CLASP2: variants seen among roughly 807,000 people sequenced by gnomAD.
The protein encoded by CLASP2 is CLIP-associating protein 2.
A neutral mutation model predicts 194.4 loss-of-function variants in CLASP2; 47 were observed. That is an observed-to-expected ratio of 0.24 (90% CI 0.19 to 0.31). The LOEUF (loss-of-function observed/expected upper bound fraction) is 0.31. Ranked by LOEUF, CLASP2 falls within the 10% of genes least tolerant of loss-of-function variation. The pLI, the probability that CLASP2 is intolerant of heterozygous loss-of-function variation, is 1.00. For synonymous variants in CLASP2, 619 were observed against 633.5 expected (o/e 0.98, Z 0.34); for missense variants, 1,445 against 1,823.6 (o/e 0.79, Z 3.78).
At position 33,510,608 on chromosome 3, in the gene CLASP2, T is replaced by C. The variant is rs374687770; in HGVS notation, c.4267A>G (p.Lys1423Glu). ...MQTKVIERVS[K>E]ETLNLLLPEI... is the part of the protein sequence containing the mutation. ...GGCAAAAGCAGGTTTAGGGTTTCCT[T>C]GGACACTCTCTCTATCACTTTTGTT... Residue 1423 changes from lysine (K) to glutamate (E), a missense_variant, in exon 37 of 39, where the codon AAG becomes GAG. By Grantham distance (56) the Lys-to-Glu change is moderately conservative. Transcript: ENST00000682230. 3.1e-6 allele frequency: 5 copies of C among 1,613,868 alleles called. No homozygotes were observed. In the African/African-American group the frequency reaches 6.7e-5, roughly 22 times the overall value.
chr3:33,514,534 T>C, intron 36 of CLASP2: 1 of 166,806 alleles, frequency 6.0e-6, no homozygotes, highest in Non-Finnish European at 1.4e-5. Context: ...TTAACCTTCC[T>C]TTTTTGATTT....
intron 30 of CLASP2, among the ~76,000 whole-genome samples, chr3:33,549,976 A>G (rs2059740133): frequency 6.6e-6 from 1 of 152,114 alleles, no homozygotes; most frequent in Admixed American, 6.5e-5. Flanking sequence ...AGCTCAGACA[A>G]TCTGCCTGCC....
At chr3:33,703,323 A>C (rs1361521101) in intron 1 of CLASP2, among the ~76,000 whole-genome samples, 1 of 152,258 alleles carries the variant, frequency 6.6e-6, no homozygotes, top group Non-Finnish European at 1.5e-5. Flanking sequence ...AAAAGATGTA[A>C]GATATATAAA....
intron 23 of CLASP2, among the ~76,000 whole-genome samples, chr3:33,580,175 C>T (rs1270204532): frequency 6.6e-6 from 1 of 152,170 alleles, no homozygotes; most frequent in African/African-American, 2.4e-5. Flanking sequence ...TGGGCATATT[C>T]CTGTGATTCT....
At chr3:33,557,436 G>A (rs1480511614) in intron 29 of CLASP2, among the ~76,000 whole-genome samples, 3 of 152,056 alleles carry the variant, frequency 2.0e-5, no homozygotes, top group African/African-American at 7.2e-5. Context: ...GTGCAGTGGT[G>A]TGATTAGAGC....
intron 22 of CLASP2, among the ~76,000 whole-genome samples, chr3:33,582,569 G>C (rs2066394423): frequency 6.6e-6 from 1 of 152,126 alleles, no homozygotes; most frequent in Non-Finnish European, 1.5e-5. Context: ...TGAGGCAGGA[G>C]GATTGCTTGA....
At chr3:33,553,945 G>A (rs73053684) in intron 29 of CLASP2, among the ~76,000 whole-genome samples, 4 of 152,228 alleles carry the variant, frequency 2.6e-5, no homozygotes, top group Non-Finnish European at 4.4e-5. Flanking sequence ...ATATGGAATC[G>A]GCCAGGCGCA....
chr3:33,689,915 C>A lies in CLASP2; in HGVS notation c.292G>T (p.Asp98Tyr). The A allele has an allele frequency of 1.3e-6, 2 of 1,586,838 alleles. No homozygotes were observed. The change falls in exon 3 of 39, where the codon GAC becomes TAC. Residue 98 changes from aspartate (D) to tyrosine (Y), a missense_variant. Coordinates refer to ENST00000682230, the MANE Select transcript of CLASP2 (RefSeq NM_001365631.1). ...YVAMVIVALI[D>Y]RMGDAKDKVR... ...TTGTCTTTGGCATCTCCCATTCTGT[C>A]TATTAAAGCTACAATAACTAAAGAA...
intron 24 of CLASP2, chr3:33,574,422 G>GA (rs1199217620): frequency 4.4e-5 from 52 of 1,189,220 alleles, no homozygotes; most frequent in Non-Finnish European, 5.2e-5. Context: ...ATTGATGAAA[G>GA]AAAAAAAAGT....
In CLASP2 at chr3:33,543,313, C is replaced by A; in HGVS notation, c.3404+120G>T. ...GCTTGAACCTGGGAGGTAGAGGTTG[C>A]AGTGAGTTGAGATCACACCACCACA... On this transcript the variant is annotated intron_variant, in intron 32 of 38. Coordinates refer to ENST00000682230, the MANE Select transcript of CLASP2 (RefSeq NM_001365631.1). The A allele has an allele frequency of 6.3e-6, 4 of 638,916 alleles. No homozygotes were observed. In the South Asian group the frequency reaches 7.6e-5, roughly 12 times the overall value. The allele number at this position is 638,916 out of a possible 1,614,324, so 39.6% of individuals were successfully genotyped here. A position where few individuals can be genotyped will look rare whatever the true frequency, so the allele number is the denominator to read the frequency against.
chr3:33,520,007 T>C lies in CLASP2; in HGVS notation c.3788-2833A>G, dbSNP rs141851872. Among the ~76,000 whole-genome samples, 7 of 152,272 alleles carry C rather than the reference T, an allele frequency of 4.6e-5. No individual in the cohort carries two copies. In the East Asian group the frequency reaches 1.2e-3, roughly 25 times the overall value. On this transcript the variant is annotated intron_variant, in intron 34 of 38. Transcript: ENST00000682230. ...TTGGCTTTATGATATTTTTGATATG[T>C]TATCTCTCTCTTTTCTTTTTTTCTG... is the stretch of plus-strand genomic sequence containing the variant.
chr3:33,671,993 T>C (rs1373754352), intron 6 of CLASP2, among the ~76,000 whole-genome samples: 5 of 152,220 alleles, frequency 3.3e-5, no homozygotes, highest in Non-Finnish European at 7.4e-5. Flanking sequence ...CCTGCCTCTG[T>C]AGGCTCCACC....
At chr3:33,716,554 T>A (rs1351841555) in intron 1 of CLASP2, among the ~76,000 whole-genome samples, 6 of 152,344 alleles carry the variant, frequency 3.9e-5, no homozygotes, top group Admixed American at 1.3e-4. Context: ...CAACAGTCTA[T>A]GCTGTAGCAT....
At chr3:33,612,162 G>A in intron 12 of CLASP2, 91 bp from the exon 13 acceptor site, 1 of 764,598 alleles carries the variant, frequency 1.3e-6, no homozygotes, top group Non-Finnish European at 2.1e-6. Context: ...ATTTAGTTAT[G>A]TTACAAGAGG....
At chr3:33,644,415 T>C (rs886126186) in intron 8 of CLASP2, 31 of 305,498 alleles carry the variant, frequency 1.0e-4, no homozygotes, top group African/African-American at 5.5e-4. Context: ...GTAACAGCTA[T>C]TGCACTTGAA....
chr3:33,688,178 A>T, intron 4 of CLASP2, 99 bp downstream of exon 4: 1 of 776,530 alleles, frequency 1.3e-6, no homozygotes, highest in Non-Finnish European at 2.0e-6. Flanking sequence ...AATAATTTTA[A>T]ATGTGTTATT....
intron 25 of CLASP2, among the ~76,000 whole-genome samples, chr3:33,571,405 G>C (rs1207020334): frequency 6.6e-6 from 1 of 151,606 alleles, no homozygotes; most frequent in African/African-American, 2.4e-5. Flanking sequence ...GAGGTGGGCA[G>C]ATCACTGGAG....
chr3:33,615,411 C>T lies in CLASP2; in HGVS notation c.1318-3340G>A, dbSNP rs139610156. On this transcript the variant is annotated intron_variant, in intron 12 of 38. Transcript: ENST00000682230. ...AAAAAAGGAAAGAAAAGCAGCACAACGAACAGGAAACAAAATATAAGAAAA... is the reference window on the plus strand; with the variant it reads ...AAAAAAGGAAAGAAAAGCAGCACAATGAACAGGAAACAAAATATAAGAAAA... Among the ~76,000 whole-genome samples, 965 of 135,010 alleles carry T rather than the reference C, an allele frequency of 7.1e-3. 10 individuals are homozygous for T. The highest frequency in any genetic ancestry group is 0.024 in the African/African-American group (873 of 36,580). The allele number at this position is 135,010 out of a possible 152,430, so 88.6% of individuals were successfully genotyped here.
intron 34 of CLASP2, among the ~76,000 whole-genome samples, chr3:33,533,461 T>C (rs2154131707): frequency 6.6e-6 from 1 of 152,310 alleles, no homozygotes; most frequent in East Asian, 1.9e-4. Context: ...TGAAGCTATT[T>C]CTTGTTAATA....
Sources: gnomAD v4.1 joint callset for allele counts (sites outside exome capture counted in the v4.1 genomes callset) on GRCh38, gnomAD v4.1.1 for gene constraint, MANE v1.5 for transcripts, NCBI Gene and HGNC (gene_info 2026-07-23, HGNC 2026-07-21) for gene names.